The following CLN6 variants were observed in gnomAD, a reference collection of about 807,000 sequenced individuals.
The protein encoded by CLN6 is ceroid-lipofuscinosis neuronal protein 6.
Under a neutral mutation model 33.3 loss-of-function variants are expected in CLN6, and 22 were observed. The ratio of observed to expected loss-of-function variants is 0.66; its 90% CI spans 0.47 to 0.94. The LOEUF is 0.94. CLN6 is among the 40% of genes least tolerant of loss of function. The pLI, the probability that CLN6 is intolerant of heterozygous loss-of-function variation, is 0.00. For synonymous variants in CLN6, 201 were observed against 174.6 expected, an observed-to-expected ratio of 1.15 and a Z score of -1.19; for missense variants, 387 against 417.1, an observed-to-expected ratio of 0.93 and a Z score of 0.63.
In CLN6 at chr15:68,256,678, C is replaced by G; in HGVS notation, c.179+12G>C. 2 of 651,464 alleles carry G rather than the reference C, an allele frequency of 3.1e-6. No homozygotes were observed. Among genetic ancestry groups the G allele is most frequent in the Non-Finnish European group, 5.6e-6 (2 of 358,082 alleles). The allele number at this position is 651,464 out of a possible 1,614,324, so 40.4% of individuals were successfully genotyped here. ...TGGTTTAATGCGCTGCTCTCATTGC[C>G]TTGAAACTTACTTTTTACCTTTGAA... On this transcript the variant is annotated intron_variant, in intron 1 of 6. Transcript: ENST00000538696. This position sits in a 1 kb window ranked among gnomAD's most constrained non-coding sequence, Gnocchi z 4.1.
At chr15:68,252,326 A>G (rs1304872893) in intron 1 of CLN6, among the ~76,000 whole-genome samples, 2 of 152,172 alleles carry the variant, frequency 1.3e-5, no homozygotes, top group Admixed American at 1.3e-4. Context: ...GATGAGCAAA[A>G]TACATGAATA....
chr15:68,209,052 A>T lies in CLN6; in HGVS notation c.665+585T>A, dbSNP rs1246809994. On this transcript the variant is annotated intron_variant, in intron 6 of 6. Coordinates refer to ENST00000249806, the MANE Select transcript of CLN6 (RefSeq NM_017882.3). The surrounding 1 kb of genome is among the most constrained non-coding windows in gnomAD (Gnocchi z 4.9). ...CCAGGGTGACCTGTCTCCAGGGCAG[A>T]AGTGACAGACGAGGGCTAGGAGACT... Among the ~76,000 whole-genome samples the T allele has an allele frequency of 6.6e-6, 1 of 152,188 alleles. No homozygotes were observed. The highest frequency in any genetic ancestry group is 1.5e-5 in the Non-Finnish European group (1 of 68,020).
At position 68,247,754 on chromosome 15, in the gene CLN6, C is replaced by T. The variant is rs769568401; in HGVS notation, c.179+8936G>A. Among the ~76,000 whole-genome samples the T allele has an allele frequency of 6.6e-6, 1 of 152,140 alleles. No individual in the cohort carries two copies. Among genetic ancestry groups the T allele is most frequent in the Non-Finnish European group, 1.5e-5 (1 of 68,042 alleles). ...GCAAAACGAACAAACCTGGGTCAGG[C>T]ATGGTGGCTCATGCCTGTAATCTGA... On this transcript the variant is annotated intron_variant, in intron 1 of 6. Coordinates refer to the CLN6 transcript ENST00000538696. This position sits in a 1 kb window ranked among gnomAD's most constrained non-coding sequence, Gnocchi z 4.2.
intron 1 of CLN6, among the ~76,000 whole-genome samples, chr15:68,254,171 G>T (rs1167741173): frequency 6.6e-6 from 1 of 152,112 alleles, no homozygotes; most frequent in Non-Finnish European, 1.5e-5. Context: ...GAGCCACCGC[G>T]CCCGGCCAAA....
chr15:68,251,120 A>C (rs1892374077), intron 1 of CLN6, among the ~76,000 whole-genome samples: 1 of 152,212 alleles, frequency 6.6e-6, no homozygotes, highest in South Asian at 2.1e-4. Context: ...GAGTATAAGA[A>C]TGTAAATCAT....
At position 68,211,242 on chromosome 15, in the gene CLN6, A is replaced by T; in HGVS notation, c.542+21T>A. On this transcript the variant is annotated intron_variant, in intron 5 of 6. Transcript: ENST00000249806. The surrounding 1 kb of genome is among the most constrained non-coding windows in gnomAD (Gnocchi z 5.9). ...CCGGTAGTTGGGGCCCCTGGGATAG[A>T]CAGATGGGCCCATCACTCACCACAT... 1 of 1,612,230 alleles carries T rather than the reference A, an allele frequency of 6.2e-7. No homozygotes were observed. Among genetic ancestry groups the T allele is most frequent in the Non-Finnish European group, 8.5e-7 (1 of 1,178,416 alleles).
intron 1 of CLN6, among the ~76,000 whole-genome samples, chr15:68,222,888 G>A (rs1279529978): frequency 6.6e-6 from 1 of 152,158 alleles, no homozygotes; most frequent in Non-Finnish European, 1.5e-5. Flanking sequence ...GATTAAGGGT[G>A]GTGCAAGATG....
At chr15:68,254,986 G>T in intron 1 of CLN6, 2 of 796,612 alleles carry the variant, frequency 2.5e-6, no homozygotes, top group Non-Finnish European at 4.4e-6. Context: ...TTACAAAAAT[G>T]CAGAATTTTG....
intron 2 of CLN6, chr15:68,214,626 A>G (rs1285924294): frequency 6.0e-6 from 3 of 501,196 alleles, no homozygotes; most frequent in African/African-American, 3.9e-5. Context: ...GACACAGAGC[A>G]GATGCAATTC....
At position 68,229,549 on chromosome 15, in the gene CLN6, C is replaced by CG; in HGVS notation, c.35dup (p.Thr13AspfsTer23). ...CCAGCTGCGCGCCTGGGCCGCCCGT[C>CG]GCTCCCAGGTGCTGCCGCCTCCGCG... On this transcript the variant is annotated frameshift_variant, in exon 1 of 7. Transcript: ENST00000249806. 1 of 1,468,626 alleles carries CG rather than the reference C, an allele frequency of 6.8e-7. No individual in the cohort carries two copies. 91.0% of individuals were successfully genotyped at this position (1,468,626 alleles called of 1,614,324 possible).
chr15:68,249,578 AAT>A (rs1892357528), intron 1 of CLN6, among the ~76,000 whole-genome samples: 1 of 152,230 alleles, frequency 6.6e-6, no homozygotes, highest in African/African-American at 2.4e-5. Context: ...CAGAAAGACA[AAT>A]ATATCTCATG....
intron 1 of CLN6, among the ~76,000 whole-genome samples, chr15:68,250,603 C>A (rs1050334012): frequency 1.5e-5 from 2 of 136,922 alleles, no homozygotes; most frequent in Non-Finnish European, 3.0e-5. Context: ...CCAGCCTGGG[C>A]GACAGAGCGA....
chr15:68,226,707 C>T (rs980040127), intron 1 of CLN6, among the ~76,000 whole-genome samples: 1 of 151,988 alleles, frequency 6.6e-6, no homozygotes, highest in Non-Finnish European at 1.5e-5. Context: ...CCTCCTGATC[C>T]GCCCATCTCG....
rs1003750765 is a variant in CLN6, at chr15:68,247,571, ATAGT to A, written c.179+9115_179+9118del. Among the ~76,000 whole-genome samples the A allele has an allele frequency of 1.3e-5, 2 of 152,192 alleles. No individual in the cohort carries two copies. Among genetic ancestry groups the A allele is most frequent in the African/African-American group, 2.4e-5 (1 of 41,412 alleles). Reference sequence around the variant, plus strand: ...AGCTATTCCATGTTCATGGACTGGAATAGTTAGTTGTTAAAGTGATAATTCCACC... The same window carrying A: ...AGCTATTCCATGTTCATGGACTGGAATAGTTGTTAAAGTGATAATTCCACC... On this transcript the variant is annotated intron_variant, in intron 1 of 6. Coordinates refer to the CLN6 transcript ENST00000538696. The surrounding 1 kb of genome is among the most constrained non-coding windows in gnomAD (Gnocchi z 4.2).
At chr15:68,212,512 T>C (rs1317341819) in intron 3 of CLN6, 3 of 153,194 alleles carry the variant, frequency 2.0e-5, no homozygotes, top group Admixed American at 6.5e-5. Flanking sequence ...TGAGATATCT[T>C]GGGAATGCAT....
chr15:68,222,117 T>C (rs932961758), intron 1 of CLN6, among the ~76,000 whole-genome samples: 8 of 137,712 alleles, frequency 5.8e-5, no homozygotes, highest in Non-Finnish European at 9.3e-5. Context: ...GTCTGGGATG[T>C]GAGGAGCCCT....
At chr15:68,235,592 ATATATATATATATATATATATAT>A (rs1892212893) in intron 1 of CLN6, among the ~76,000 whole-genome samples, 17 of 104,308 alleles carry the variant, frequency 1.6e-4, no homozygotes, top group Middle Eastern at 4.6e-3. Context: ...AAATAAATAT[ATATATATATATATATATATATAT>A]ATATATATAT....
chr15:68,229,832 T>G (rs567196193), upstream of CLN6: 832 of 254,378 alleles, frequency 3.3e-3, 4 homozygotes, highest in Non-Finnish European at 4.7e-3. Context: ...GGCCGGGCGC[T>G]GCGAGTGTGG....
chr15:68,223,415 G>A (rs1452792880), intron 1 of CLN6, among the ~76,000 whole-genome samples: 1 of 152,132 alleles, frequency 6.6e-6, no homozygotes, highest in Non-Finnish European at 1.5e-5. Flanking sequence ...CCAACACAGA[G>A]GCCCCACCCA....
Sources: allele counts gnomAD v4.1 joint callset (sites outside exome capture counted in the v4.1 genomes callset), GRCh38; gene constraint gnomAD v4.1.1; non-coding constraint Gnocchi (gnomAD v3.1); transcripts MANE v1.5; gene names NCBI Gene and HGNC (gene_info 2026-07-23, HGNC 2026-07-21).